Variants in MACROD2 observed in about 807,000 individuals in gnomAD.
MACROD2 encodes the protein mono-ADP ribosylhydrolase 2.
A neutral mutation model predicts 70.4 loss-of-function variants in MACROD2; 36 were observed. The ratio of observed to expected loss-of-function variants is 0.51; its 90% CI spans 0.39 to 0.68. MACROD2 has a LOEUF of 0.68. MACROD2 is among the 30% of genes least tolerant of loss of function. The probability of loss-of-function intolerance (pLI) is 0.00; values close to 1 mark genes in which losing one functional copy is unlikely to be tolerated. For missense variants in MACROD2, 496 were observed against 538.4 expected (o/e 0.92, Z 0.78); for synonymous variants, 172 against 178.8 (o/e 0.96, Z 0.30).
At chr20:15,740,907 C>G (rs1008685190) in intron 8 of MACROD2, among the ~76,000 whole-genome samples, 2 of 152,028 alleles carry the variant, frequency 1.3e-5, no homozygotes, top group African/African-American at 4.8e-5. Flanking sequence ...GTGCTATCCT[C>G]TACAACACCT....
intron 6 of MACROD2, among the ~76,000 whole-genome samples, chr20:15,364,040 A>G (rs779994480): frequency 1.3e-5 from 2 of 152,222 alleles, no homozygotes; most frequent in Non-Finnish European, 2.9e-5. Flanking sequence ...TATAATAGAT[A>G]CATTTAGATG....
At chr20:15,484,250 A>G (rs2047136926) in intron 7 of MACROD2, among the ~76,000 whole-genome samples, 1 of 152,040 alleles carries the variant, frequency 6.6e-6, no homozygotes, top group Non-Finnish European at 1.5e-5. Context: ...TGACAGCCAA[A>G]CATAATGTAC....
At chr20:15,905,950 C>T (rs2065140998) in intron 10 of MACROD2, among the ~76,000 whole-genome samples, 1 of 152,178 alleles carries the variant, frequency 6.6e-6, no homozygotes, top group African/African-American at 2.4e-5. Flanking sequence ...TGCAGAAACC[C>T]AGGGTACTGT....
intron 5 of MACROD2, among the ~76,000 whole-genome samples, chr20:15,045,357 C>T (rs2075384998): frequency 6.6e-6 from 1 of 152,166 alleles, no homozygotes; most frequent in Non-Finnish European, 1.5e-5. Context: ...TGAGAGTGTT[C>T]TGACCTTGTC....
chr20:14,021,379 G>A (rs2053077454), intron 2 of MACROD2, among the ~76,000 whole-genome samples: 1 of 152,188 alleles, frequency 6.6e-6, no homozygotes, highest in African/African-American at 2.4e-5. Flanking sequence ...GGGTCTGTGA[G>A]TCTGTAGCGG....
Position 15,086,209 on chromosome 20 carries a change from G to A in MACROD2, c.419-143731G>A, listed in dbSNP as rs1476466071. Reference sequence around the variant, plus strand: ...CTCATATACTACAAGACAGAATACAGTAAATGGCCTAAAATAGGTACAAAG... The same window carrying A: ...CTCATATACTACAAGACAGAATACAATAAATGGCCTAAAATAGGTACAAAG... On this transcript the variant is annotated intron_variant, in intron 5 of 17. Transcript: ENST00000684519. Among the ~76,000 whole-genome samples, 3 of 152,142 alleles carry A rather than the reference G, an allele frequency of 2.0e-5. No individual in the cohort carries two copies. The East Asian group carries it at 5.8e-4, about 29-fold the overall frequency.
At chr20:15,657,740 C>A (rs1041497465) in intron 8 of MACROD2, among the ~76,000 whole-genome samples, 3 of 152,116 alleles carry the variant, frequency 2.0e-5, no homozygotes, top group African/African-American at 7.2e-5. Context: ...CGCCTGTAAT[C>A]CCAGCACTTT....
rs1242933999 is a variant in MACROD2 at position 15,338,284 on chromosome 20, C to T, written c.541-93121C>T. Among the ~76,000 whole-genome samples the T allele has an allele frequency of 2.0e-5, 3 of 151,508 alleles. 1 individual carries two copies. Among genetic ancestry groups the T allele is most frequent in the Middle Eastern group, 6.4e-3 (2 of 314 alleles). On this transcript the variant is annotated intron_variant, in intron 6 of 17. Transcript: ENST00000684519. ...CTTATTTTTTATTCATCCAAATCTC[C>T]TCATCCAGCTTTTCACCCATGTTTT...
intron 5 of MACROD2, among the ~76,000 whole-genome samples, chr20:14,799,389 A>G (rs1182772082): frequency 1.3e-5 from 2 of 152,106 alleles, no homozygotes; most frequent in African/African-American, 4.8e-5. Context: ...AAGCACACCA[A>G]TTGGATAGTT....
At chr20:14,045,656 C>T (rs1601153703) in intron 2 of MACROD2, among the ~76,000 whole-genome samples, 1 of 152,094 alleles carries the variant, frequency 6.6e-6, no homozygotes, top group East Asian at 1.9e-4. Context: ...TCATGAGCAA[C>T]AGTGAGCAGG....
intron 5 of MACROD2, among the ~76,000 whole-genome samples, chr20:15,101,772 T>TTA (rs1320412142): frequency 1.3e-5 from 2 of 151,988 alleles, no homozygotes; most frequent in African/African-American, 4.8e-5. Context: ...TCTTAGAAGA[T>TTA]TATAAATATA....
At chr20:14,341,453 C>T (rs1219860323) in intron 3 of MACROD2, among the ~76,000 whole-genome samples, 1 of 152,030 alleles carries the variant, frequency 6.6e-6, no homozygotes, top group African/African-American at 2.4e-5. Flanking sequence ...GCCTGGTTAA[C>T]GTGGTGAAAC....
At chr20:15,714,991 A>C (rs2050687366) in intron 8 of MACROD2, among the ~76,000 whole-genome samples, 1 of 152,126 alleles carries the variant, frequency 6.6e-6, no homozygotes, top group South Asian at 2.1e-4. Flanking sequence ...CATTCTACTC[A>C]ATGATATATT....
chr20:14,453,391 C>CT (rs1340747965), intron 3 of MACROD2, among the ~76,000 whole-genome samples: 12 of 152,066 alleles, frequency 7.9e-5, no homozygotes, highest in Non-Finnish European at 1.5e-4. Context: ...GGCTGTGTTG[C>CT]TTTGGAGTGC....
chr20:15,414,311 T>A (rs1033772221), intron 6 of MACROD2, among the ~76,000 whole-genome samples: 11 of 152,192 alleles, frequency 7.2e-5, no homozygotes, highest in African/African-American at 2.4e-4. Context: ...AGCATGTTAA[T>A]CATACAGAAT....
chr20:15,760,289 T>A (rs1030223565), intron 8 of MACROD2, among the ~76,000 whole-genome samples: 4 of 152,184 alleles, frequency 2.6e-5, no homozygotes, highest in African/African-American at 7.2e-5. Context: ...CTCAGCTGCT[T>A]CTCAGCCACT....
chr20:14,075,337 G>A (rs2053903881), intron 2 of MACROD2, among the ~76,000 whole-genome samples: 1 of 152,174 alleles, frequency 6.6e-6, no homozygotes, highest in Non-Finnish European at 1.5e-5. Context: ...TTAAATTTGT[G>A]AGTGTGAGAC....
chr20:14,785,111 C>T (rs1344857640), intron 5 of MACROD2, among the ~76,000 whole-genome samples: 1 of 151,852 alleles, frequency 6.6e-6, no homozygotes, highest in Non-Finnish European at 1.5e-5. Context: ...CTAAAAGAAA[C>T]AAATTGCCTC....
intron 5 of MACROD2, among the ~76,000 whole-genome samples, chr20:15,114,790 C>G (rs1465051726): frequency 6.6e-6 from 1 of 152,108 alleles, no homozygotes; most frequent in African/African-American, 2.4e-5. Flanking sequence ...TGCCTTTTTA[C>G]CTGTTTTCTT....
Sources: gnomAD v4.1 joint callset for allele counts (sites outside exome capture counted in the v4.1 genomes callset) on GRCh38, gnomAD v4.1.1 for gene constraint, MANE v1.5 for transcripts, NCBI Gene and HGNC (gene_info 2026-07-23, HGNC 2026-07-21) for gene names.